OCA2: variants seen among roughly 807,000 people sequenced by gnomAD.
The protein encoded by OCA2 is OCA2 melanosomal transmembrane protein.
In OCA2, 77 loss-of-function variants were observed where a neutral mutation model predicts 100.2. That is an observed-to-expected ratio of 0.77 (90% confidence interval 0.64 to 0.93). The LOEUF (loss-of-function observed/expected upper bound fraction) is 0.93, where lower values mean the gene tolerates loss of function less well. Among genes scored for constraint, OCA2 ranks in the 40% least tolerant of loss-of-function variants. The probability of loss-of-function intolerance (pLI) is 0.00; values close to 1 mark genes in which losing one functional copy is unlikely to be tolerated. For missense variants in OCA2, 1,062 were observed against 1,089.1 expected (o/e 0.98, Z 0.35); for synonymous variants, 432 against 439.2 (o/e 0.98, Z 0.21).
At chr15:27,984,587 G>A (rs1310901132) in intron 13 of OCA2, among the ~76,000 whole-genome samples, 1 of 152,112 alleles carries the variant, frequency 6.6e-6, no homozygotes, top group African/African-American at 2.4e-5. Context: ...TTGAGACGGA[G>A]TCTCGCTCTG....
chr15:27,904,047 G>A (rs2038071289), intron 19 of OCA2, among the ~76,000 whole-genome samples: 1 of 152,210 alleles, frequency 6.6e-6, no homozygotes, highest in South Asian at 2.1e-4. Flanking sequence ...GATGCCTGCA[G>A]ATAAGTTTAA....
chr15:27,899,655 C>A (rs141336398), intron 19 of OCA2, among the ~76,000 whole-genome samples: 1 of 152,310 alleles, frequency 6.6e-6, no homozygotes, highest in East Asian at 1.9e-4. Context: ...CACACCAGAA[C>A]TCACTGGTCG....
chr15:27,979,877 T>G (rs891912146), intron 14 of OCA2, among the ~76,000 whole-genome samples: 35 of 148,572 alleles, frequency 2.4e-4, no homozygotes, highest in African/African-American at 7.2e-4. Context: ...TGTTTTTTTT[T>G]TTTTTTTTTT....
intron 19 of OCA2, among the ~76,000 whole-genome samples, chr15:27,877,194 A>G (rs2036825795): frequency 6.6e-6 from 1 of 151,910 alleles, no homozygotes; most frequent in South Asian, 2.1e-4. Context: ...CTAGACTGCT[A>G]TTGATTTCTA....
At chr15:28,079,265 A>G (rs2044535886) in intron 2 of OCA2, among the ~76,000 whole-genome samples, 1 of 151,946 alleles carries the variant, frequency 6.6e-6, no homozygotes, top group East Asian at 1.9e-4. Flanking sequence ...GGTAGATTCA[A>G]AGACTTACGT....
intron 23 of OCA2, among the ~76,000 whole-genome samples, chr15:27,770,778 CA>C (rs2031687220): frequency 3.6e-5 from 2 of 55,550 alleles, no homozygotes; most frequent in African/African-American, 1.2e-4. Flanking sequence ...CCCTCCCTTC[CA>C]TCCTTCCTTC....
intron 23 of OCA2, among the ~76,000 whole-genome samples, chr15:27,788,096 T>C (rs1457275758): frequency 6.6e-6 from 1 of 152,078 alleles, no homozygotes; most frequent in African/African-American, 2.4e-5. Flanking sequence ...ATACTTTGTA[T>C]AATTTCAGTC....
chr15:27,887,838 G>A (rs555893923), intron 19 of OCA2, among the ~76,000 whole-genome samples: 3 of 151,292 alleles, frequency 2.0e-5, no homozygotes, highest in Admixed American at 1.3e-4. Context: ...AGGGGAACAT[G>A]TCCCCCTGTC....
intron 13 of OCA2, among the ~76,000 whole-genome samples, chr15:27,984,257 G>A (rs545835095): frequency 5.9e-4 from 90 of 152,192 alleles, no homozygotes; most frequent in African/African-American, 2.1e-3. Flanking sequence ...GAATCTGGGA[G>A]TCCTACAACT....
intron 19 of OCA2, among the ~76,000 whole-genome samples, chr15:27,872,624 A>G (rs994262612): frequency 1.3e-5 from 2 of 152,062 alleles, no homozygotes; most frequent in African/African-American, 4.8e-5. Context: ...CTGTGATTCC[A>G]TCGCGCTGAA....
intron 1 of OCA2, among the ~76,000 whole-genome samples, chr15:28,085,479 G>C (rs1344514508): frequency 6.6e-6 from 1 of 152,160 alleles, no homozygotes; most frequent in Non-Finnish European, 1.5e-5. Flanking sequence ...CCAAGCTGGA[G>C]TCAGACACTG....
At chr15:27,829,905 C>T (rs2034886396) in intron 23 of OCA2, among the ~76,000 whole-genome samples, 1 of 152,218 alleles carries the variant, frequency 6.6e-6, no homozygotes, top group African/African-American at 2.4e-5. Flanking sequence ...GACTATCACA[C>T]ACTATTTCAA....
intron 19 of OCA2, among the ~76,000 whole-genome samples, chr15:27,923,799 T>C (rs960422086): frequency 6.6e-6 from 1 of 152,204 alleles, no homozygotes; most frequent in African/African-American, 2.4e-5. Flanking sequence ...TAAATTTTTT[T>C]CCCATTCTGT....
Position 27,845,050 on chromosome 15 carries a change from T to C in OCA2, c.2341A>G (p.Asn781Asp). ...ALAFGACLGG[N>D]GTLIGASANV... Reference sequence around the variant, plus strand: ...GCCGACGCGCCAATCAGTGTCCCGTTACCTAAAGTCAAAATTTAAAAACAA... The same window carrying C: ...GCCGACGCGCCAATCAGTGTCCCGTCACCTAAAGTCAAAATTTAAAAACAA... Residue 781 changes from asparagine (N) to aspartate (D), a missense_variant and splice_region_variant, in exon 23 of 24, where the codon AAC (asparagine) becomes GAC (aspartate). By Grantham distance (23) the Asn-to-Asp change is conservative (BLOSUM62 1). Transcript: ENST00000354638. The C allele has an allele frequency of 6.2e-7, 1 of 1,613,322 alleles. No individual in the cohort carries two copies. The highest frequency in any genetic ancestry group is 8.5e-7 in the Non-Finnish European group (1 of 1,179,290).
intron 23 of OCA2, among the ~76,000 whole-genome samples, chr15:27,834,943 C>T (rs1039202733): frequency 6.6e-6 from 1 of 152,094 alleles, no homozygotes; most frequent in Admixed American, 6.5e-5. Context: ...TCATCTCAGA[C>T]CTAGGACATT....
Position 27,798,641 on chromosome 15 carries a change from GA to G in OCA2, c.2433-43170del, listed in dbSNP as rs768783571. 3.1e-3 allele frequency among the ~76,000 whole-genome samples: 430 copies of G among 139,542 alleles called. 3 individuals carry two copies. Among genetic ancestry groups the G allele is most frequent in the Middle Eastern group, 7.4e-3 (2 of 272 alleles). The allele number at this position is 139,542 out of a possible 152,430, so 91.5% of individuals were successfully genotyped here. Reference sequence around the variant, plus strand: ...CTTCCTGAACTTTTCTTATTAATTTGAAAAAAAAAAAACTTTCTGTCATTAA... The same window carrying G: ...CTTCCTGAACTTTTCTTATTAATTTGAAAAAAAAAAACTTTCTGTCATTAA... On this transcript the variant is annotated intron_variant, in intron 23 of 23. Coordinates refer to ENST00000354638, the MANE Select transcript of OCA2 (RefSeq NM_000275.3).
the OCA2 span, among the ~76,000 whole-genome samples, chr15:27,725,476 G>A: frequency 6.6e-6 from 1 of 152,208 alleles, no homozygotes; most frequent in Admixed American, 6.5e-5. Flanking sequence ...GCTGAGGCAG[G>A]AGAATTGCTT....
At chr15:27,790,370 T>C (rs1001834666) in intron 23 of OCA2, among the ~76,000 whole-genome samples, 2 of 152,206 alleles carry the variant, frequency 1.3e-5, no homozygotes, top group East Asian at 1.9e-4. Context: ...CACAGCCCCA[T>C]TGCTAGGTGA....
At chr15:27,831,284 C>CAAAAAAAAA (rs71132824) in intron 23 of OCA2, among the ~76,000 whole-genome samples, 1,592 of 62,550 alleles carry the variant, frequency 0.025, 275 homozygotes, top group African/African-American at 0.095. Flanking sequence ...GACTCCGTCT[C>CAAAAAAAAA]AAAAAAAAAA....
Sources: allele counts gnomAD v4.1 joint callset (sites outside exome capture counted in the v4.1 genomes callset), GRCh38; gene constraint gnomAD v4.1.1; transcripts MANE v1.5; gene names NCBI Gene and HGNC (gene_info 2026-07-23, HGNC 2026-07-21).